The following CTTNBP2 variants were observed in gnomAD, a reference collection of about 807,000 sequenced individuals.
The protein encoded by CTTNBP2 is cortactin binding protein 2.
In CTTNBP2, 108 loss-of-function variants were observed where a neutral mutation model predicts 156.9. That is an observed-to-expected ratio of 0.69 (90% CI 0.59 to 0.81). The LOEUF is 0.81. Ranked by LOEUF, CTTNBP2 falls within the 30% of genes least tolerant of loss-of-function variation. The pLI is 0.00. For synonymous variants in CTTNBP2, 767 were observed against 751.8 expected (o/e 1.02, Z -0.33); for missense variants, 1,924 against 2,035.4 (o/e 0.95, Z 1.05).
chr7:117,757,528 T>TAAAAAAAAAAAAAAAAAAAA (rs56687697), intron 11 of CTTNBP2, among the ~76,000 whole-genome samples: 2 of 91,442 alleles, frequency 2.2e-5, no homozygotes, highest in Non-Finnish European at 4.5e-5. Flanking sequence ...TTAAGCACAG[T>TAAAAAAAAAAAAAAAAAAAA]AAAAAAAAAA....
chr7:117,801,137 T>C (rs1392739354), intron 3 of CTTNBP2, among the ~76,000 whole-genome samples: 1 of 152,076 alleles, frequency 6.6e-6, no homozygotes, highest in East Asian at 1.9e-4. Flanking sequence ...TTCCTTACAG[T>C]AGAATGCCAC....
intron 2 of CTTNBP2, among the ~76,000 whole-genome samples, chr7:117,812,367 TC>T (rs1800343728): frequency 6.6e-6 from 1 of 152,122 alleles, no homozygotes; most frequent in African/African-American, 2.4e-5. Flanking sequence ...AAACATGTCT[TC>T]TGAAGAAATA....
In CTTNBP2 at chr7:117,791,314, C is replaced by A. The variant is rs776855094; in HGVS notation, c.1882G>T (p.Val628Phe). The A allele has an allele frequency of 1.9e-6, 3 of 1,614,122 alleles. No homozygotes were observed. The Admixed American group carries it at 5.0e-5, about 27-fold the overall frequency. ...DLTVAPAGCAVSALATSQVGA... is the reference protein window; with the variant it reads ...DLTVAPAGCAFSALATSQVGA... ...ACCTGAGACGTGGCCAGGGCTGAAA[C>A]GGCACAGCCTGCAGGTGCCACAGTT... Residue 628 changes from valine (V) to phenylalanine (F), a missense_variant, in exon 4 of 23, where the codon GTT becomes TTT. Val to Phe is a conservative substitution (Grantham distance 50). Coordinates refer to ENST00000160373, the MANE Select transcript of CTTNBP2 (RefSeq NM_033427.3).
At chr7:117,752,890 A>G (rs749131722) in intron 12 of CTTNBP2, among the ~76,000 whole-genome samples, 5 of 152,218 alleles carry the variant, frequency 3.3e-5, no homozygotes, top group Non-Finnish European at 1.5e-5. Flanking sequence ...GATTATCCAT[A>G]TATTTAGAAT....
chr7:117,784,586 T>C, intron 4 of CTTNBP2, 132 bp from the exon 5 acceptor site: 1 of 564,842 alleles, frequency 1.8e-6, no homozygotes, highest in Non-Finnish European at 3.0e-6. Context: ...GTTTCTAACA[T>C]TATCAATCTG....
chr7:117,842,293 C>T (rs915786432), intron 2 of CTTNBP2, among the ~76,000 whole-genome samples: 1 of 152,098 alleles, frequency 6.6e-6, no homozygotes, highest in African/African-American at 2.4e-5. Flanking sequence ...CTCTGCCTCC[C>T]AAGTTCAAGC....
At chr7:117,738,984 T>C (rs142736744) in intron 14 of CTTNBP2, among the ~76,000 whole-genome samples, 135 of 152,302 alleles carry the variant, frequency 8.9e-4, no homozygotes, top group African/African-American at 3.1e-3. Flanking sequence ...TGGGTTATCT[T>C]TCCACTTCAT....
intron 2 of CTTNBP2, among the ~76,000 whole-genome samples, chr7:117,854,368 T>C (rs1803121242): frequency 6.6e-6 from 1 of 152,146 alleles, no homozygotes; most frequent in African/African-American, 2.4e-5. Flanking sequence ...AAAAGCCAGA[T>C]TGTTATTCTT....
chr7:117,739,368 A>G (rs1057277658), intron 14 of CTTNBP2, among the ~76,000 whole-genome samples: 7 of 152,210 alleles, frequency 4.6e-5, no homozygotes, highest in African/African-American at 1.4e-4. Flanking sequence ...CCTTCGGCCA[A>G]AAAGTCAGCC....
chr7:117,804,428 CTGATCAAACTG>C (rs1180785896), intron 3 of CTTNBP2, among the ~76,000 whole-genome samples: 3 of 152,144 alleles, frequency 2.0e-5, no homozygotes, highest in Admixed American at 6.6e-5. Context: ...AATGCAAAAG[CTGATCAAACTG>C]TGATCAAACT....
At chr7:117,748,306 C>T (rs1796446446) in intron 12 of CTTNBP2, among the ~76,000 whole-genome samples, 1 of 152,140 alleles carries the variant, frequency 6.6e-6, no homozygotes, top group Non-Finnish European at 1.5e-5. Context: ...TAGTTATAGC[C>T]TCTTTCTCCT....
At position 117,873,407 on chromosome 7, in the gene CTTNBP2, C is replaced by A. The variant is rs778987893; in HGVS notation, c.9G>T (p.Thr3=). Residue 3 remains threonine, a synonymous_variant, in exon 1 of 23, where the codon ACG becomes ACT. Coordinates refer to ENST00000160373, the MANE Select transcript of CTTNBP2 (RefSeq NM_033427.3). MA[T]DGASCEPDLS... ...AGTCGGGCTCGCAGCTCGCGCCGTC[C>A]GTCGCCATCTTCCTGCTCTAGCGGA... The A allele has an allele frequency of 6.7e-7, 1 of 1,496,052 alleles. No individual in the cohort carries two copies. Among genetic ancestry groups the A allele is most frequent in the Non-Finnish European group, 8.9e-7 (1 of 1,129,864 alleles). The allele number at this position is 1,496,052 out of a possible 1,614,324, so 92.7% of individuals were successfully genotyped here. A position where few individuals can be genotyped will look rare whatever the true frequency, so the allele number is the denominator to read the frequency against.
intron 2 of CTTNBP2, among the ~76,000 whole-genome samples, chr7:117,834,906 T>A (rs1390157691): frequency 6.6e-6 from 1 of 152,240 alleles, no homozygotes; most frequent in Non-Finnish European, 1.5e-5. Flanking sequence ...ACAAAATAAT[T>A]CTGGCCCTTC....
chr7:117,787,405 GAGA>G (rs1164620055), intron 4 of CTTNBP2, among the ~76,000 whole-genome samples: 5 of 152,182 alleles, frequency 3.3e-5, no homozygotes, highest in Non-Finnish European at 7.3e-5. Context: ...TCAGAGGGTG[GAGA>G]AGGTTAATGT....
chr7:117,816,847 T>C (rs35948094), intron 2 of CTTNBP2, among the ~76,000 whole-genome samples: 1,727 of 152,226 alleles, frequency 0.011, 36 homozygotes, highest in African/African-American at 0.039. Flanking sequence ...GAAATGTTTA[T>C]TACGCTGGGT....
At chr7:117,794,420 A>C (rs907273150) in intron 3 of CTTNBP2, among the ~76,000 whole-genome samples, 3 of 152,318 alleles carry the variant, frequency 2.0e-5, no homozygotes, top group Middle Eastern at 3.4e-3. Flanking sequence ...AAAGATGTGG[A>C]TAGGACTTGT....
intron 22 of CTTNBP2, among the ~76,000 whole-genome samples, chr7:117,717,206 A>C (rs1794452496): frequency 6.6e-6 from 1 of 152,192 alleles, no homozygotes; most frequent in Admixed American, 6.5e-5. Context: ...CTATTTCAAA[A>C]GGTTAAGGAA....
chr7:117,731,572 G>A (rs1795401332), intron 16 of CTTNBP2, among the ~76,000 whole-genome samples: 1 of 152,218 alleles, frequency 6.6e-6, no homozygotes, highest in Non-Finnish European at 1.5e-5. Context: ...CTGTTCTGAT[G>A]CACTTATCAC....
intron 3 of CTTNBP2, chr7:117,793,537 AC>A (rs1471792151): frequency 2.6e-5 from 4 of 152,160 alleles, no homozygotes; most frequent in Admixed American, 2.6e-4. Flanking sequence ...CCCACCACAC[AC>A]CTTCCCGTAG....
Sources: gnomAD v4.1 joint callset for allele counts (sites outside exome capture counted in the v4.1 genomes callset) on GRCh38, gnomAD v4.1.1 for gene constraint, MANE v1.5 for transcripts, NCBI Gene and HGNC (gene_info 2026-07-23, HGNC 2026-07-21) for gene names.